Variants in ICA1 observed in about 807,000 individuals in gnomAD.
ICA1 encodes 69 kDa islet cell autoantigen.
In ICA1, 40 loss-of-function variants were observed where a neutral mutation model predicts 71.0. The observed-to-expected ratio is 0.56, with a 90% CI of 0.44 to 0.73. The LOEUF is 0.73. ICA1 is among the 30% of genes least tolerant of loss of function. The pLI is 0.00. For missense variants in ICA1, 578 were observed against 576.5 expected, an observed-to-expected ratio of 1.00 and a Z score of -0.03; for synonymous variants, 207 against 209.5, an observed-to-expected ratio of 0.99 and a Z score of 0.10.
In ICA1 at chr7:8,186,958, T is replaced by C. The variant is rs146268986; in HGVS notation, c.580-28306A>G. Among the ~76,000 whole-genome samples, 64 of 152,334 alleles carry C rather than the reference T, an allele frequency of 4.2e-4. No homozygotes were observed. In the East Asian group the frequency reaches 9.4e-3, roughly 22 times the overall value. On this transcript the variant is annotated intron_variant, in intron 6 of 13. Transcript: ENST00000402384. ...TATTTTATATATCAAACACTTAAAATTGGGCAACAAGAATGTTTATGTTGT... is the reference window on the plus strand; with the variant it reads ...TATTTTATATATCAAACACTTAAAACTGGGCAACAAGAATGTTTATGTTGT...
In ICA1 at chr7:8,154,061, TA is replaced by T. The variant is rs373137867; in HGVS notation, c.804+3054del. On this transcript the variant is annotated intron_variant, in intron 8 of 13. Transcript: ENST00000402384. Reference sequence around the variant, plus strand: ...AAATGCTACAAAAATCTATTTATTATAAAAAAATTAAAATGATGAAGGAATG... The same window carrying T: ...AAATGCTACAAAAATCTATTTATTATAAAAAATTAAAATGATGAAGGAATG... Among the ~76,000 whole-genome samples the T allele has an allele frequency of 7.4e-3, 1,126 of 151,924 alleles. 7 individuals carry two copies. Among genetic ancestry groups the T allele is most frequent in the African/African-American group, 0.026 (1,074 of 41,472 alleles).
chr7:8,262,057 C>A (rs964501642), intron 1 of ICA1, 37 bp downstream of exon 1: 3 of 152,146 alleles, frequency 2.0e-5, no homozygotes, highest in African/African-American at 7.2e-5. Flanking sequence ...TGCAGCCCGC[C>A]CGGCGCGCCC....
chr7:8,156,912 A>G (rs750231010), intron 8 of ICA1: 38 of 1,523,742 alleles, frequency 2.5e-5, no homozygotes, highest in South Asian at 1.5e-4. Context: ...TTCTCATTGT[A>G]TTGAATCCTG....
chr7:8,257,779 C>T (rs1411807881), intron 1 of ICA1, among the ~76,000 whole-genome samples: 3 of 152,188 alleles, frequency 2.0e-5, no homozygotes, highest in Non-Finnish European at 4.4e-5. Context: ...TATTTAGAAT[C>T]AGTCCTGTGC....
intron 8 of ICA1, among the ~76,000 whole-genome samples, chr7:8,152,800 C>CCATCACCAT (rs1799807651): frequency 3.0e-4 from 1 of 3,332 alleles, no homozygotes; most frequent in Non-Finnish European, 6.9e-4. Flanking sequence ...ATCACCTCCA[C>CCATCACCAT]CACCACCACC....
intron 1 of ICA1, among the ~76,000 whole-genome samples, chr7:8,258,707 A>G (rs1421379201): frequency 6.6e-6 from 1 of 152,238 alleles, no homozygotes; most frequent in African/African-American, 2.4e-5. Context: ...TCCTGGAGAG[A>G]TTCATTAGTT....
At chr7:8,187,396 T>A (rs1259993229) in intron 6 of ICA1, among the ~76,000 whole-genome samples, 3 of 152,128 alleles carry the variant, frequency 2.0e-5, no homozygotes, top group Admixed American at 6.5e-5. Context: ...GCATAAAAGA[T>A]AAAAATGATA....
intron 12 of ICA1, among the ~76,000 whole-genome samples, chr7:8,128,671 G>A (rs539463028): frequency 2.6e-5 from 4 of 152,220 alleles, no homozygotes; most frequent in East Asian, 3.9e-4. Flanking sequence ...GCCCAAGAGA[G>A]GCATCCTTAC....
intron 3 of ICA1, among the ~76,000 whole-genome samples, chr7:8,231,233 G>A (rs1800186137): frequency 6.6e-6 from 1 of 152,074 alleles, no homozygotes; most frequent in African/African-American, 2.4e-5. Context: ...GGCTGGTTGT[G>A]GACTGAGAAC....
In ICA1 at chr7:8,168,831, CTTCA is replaced by C. The variant is rs745405276; in HGVS notation, c.580-10183_580-10180del. On this transcript the variant is annotated intron_variant, in intron 6 of 13. Coordinates refer to ENST00000402384, the MANE Select transcript of ICA1 (RefSeq NM_001136020.3). ...ACCTTGGAGATGATGCCTCTATTTC[CTTCA>C]TTATCATATCATCATCTTCATCATC... is the stretch of plus-strand genomic sequence containing the variant. 1.2e-4 allele frequency among the ~76,000 whole-genome samples: 18 copies of C among 152,168 alleles called. No homozygotes were observed. The South Asian group carries it at 2.5e-3, about 21-fold the overall frequency.
At chr7:8,203,078 T>C (rs3757518) in intron 6 of ICA1, among the ~76,000 whole-genome samples, 42,641 of 152,148 alleles carry the variant, frequency 0.28, 10,707 homozygotes, top group African/African-American at 0.68. Flanking sequence ...TCTTTCAGTT[T>C]TCTGTATCAA....
chr7:8,228,541 G>T, intron 4 of ICA1, 60 bp downstream of exon 4: 1 of 1,065,956 alleles, frequency 9.4e-7, no homozygotes, highest in South Asian at 1.7e-5. Context: ...GATGTATCAA[G>T]ACAAAATACC....
intron 6 of ICA1, among the ~76,000 whole-genome samples, chr7:8,159,676 G>C (rs575430892): frequency 1.2e-4 from 19 of 152,140 alleles, no homozygotes; most frequent in Non-Finnish European, 2.2e-4. Context: ...CCCCAGCCTG[G>C]GTGACAGTGA....
chr7:8,178,361 CTG>C (rs1243218493), intron 6 of ICA1, among the ~76,000 whole-genome samples: 2 of 152,198 alleles, frequency 1.3e-5, no homozygotes, highest in Non-Finnish European at 2.9e-5. Context: ...TGAATGGTCA[CTG>C]TATTTTAATT....
intron 6 of ICA1, among the ~76,000 whole-genome samples, chr7:8,202,526 T>G (rs898616575): frequency 2.0e-5 from 3 of 152,258 alleles, no homozygotes; most frequent in African/African-American, 7.2e-5. Context: ...AATGGCTAAC[T>G]ACATCTTTGT....
chr7:8,175,950 T>G (rs1232356483), intron 6 of ICA1, among the ~76,000 whole-genome samples: 1 of 152,194 alleles, frequency 6.6e-6, no homozygotes, highest in African/African-American at 2.4e-5. Flanking sequence ...CAGTCTTTGG[T>G]TCCATGGACG....
At chr7:8,253,997 A>G (rs1809138254) in intron 1 of ICA1, among the ~76,000 whole-genome samples, 2 of 152,224 alleles carry the variant, frequency 1.3e-5, no homozygotes, top group South Asian at 2.1e-4. Flanking sequence ...CTTTAAGATT[A>G]AATTCATAAT....
chr7:8,120,368 T>G (rs1786429158), intron 13 of ICA1, among the ~76,000 whole-genome samples: 1 of 152,224 alleles, frequency 6.6e-6, no homozygotes, highest in Admixed American at 6.5e-5. Flanking sequence ...CTCATTCATA[T>G]CACTTTGGAA....
chr7:8,253,146 A>G (rs1808775463), intron 1 of ICA1, among the ~76,000 whole-genome samples: 1 of 152,260 alleles, frequency 6.6e-6, no homozygotes, highest in East Asian at 1.9e-4. Context: ...AAGAGCTAGA[A>G]ATTAATTCTA....
Sources: allele counts gnomAD v4.1 joint callset (sites outside exome capture counted in the v4.1 genomes callset), GRCh38; gene constraint gnomAD v4.1.1; transcripts MANE v1.5; gene names NCBI Gene and HGNC (gene_info 2026-07-23, HGNC 2026-07-21).